MLIP: variants seen among roughly 807,000 people sequenced by gnomAD.
MLIP encodes muscular LMNA interacting protein.
In MLIP, 79 loss-of-function variants were observed where a neutral mutation model predicts 84.8. That is an observed-to-expected ratio of 0.93 (90% CI 0.78 to 1.12). MLIP has a LOEUF of 1.12. MLIP is among the 50% of genes most tolerant of loss of function. MLIP has a pLI of 0.00. For missense variants in MLIP, 1,257 were observed against 1,160.6 expected, an observed-to-expected ratio of 1.08 and a Z score of -1.21; for synonymous variants, 504 against 463.0, an observed-to-expected ratio of 1.09 and a Z score of -1.14.
intron 12 of MLIP, among the ~76,000 whole-genome samples, chr6:54,240,798 A>G (rs1367728126): frequency 6.6e-6 from 1 of 152,168 alleles, no homozygotes; most frequent in Non-Finnish European, 1.5e-5. Context: ...AACATGGTGA[A>G]ACCCCATCTC....
intron 1 of MLIP, among the ~76,000 whole-genome samples, chr6:54,075,586 A>G (rs1766753743): frequency 6.6e-6 from 1 of 152,188 alleles, no homozygotes; most frequent in Admixed American, 6.5e-5. Flanking sequence ...TAGTAACTGC[A>G]TTATTTGGAG....
intron 10 of MLIP, among the ~76,000 whole-genome samples, chr6:54,193,723 A>G (rs1017540489): frequency 9.9e-5 from 15 of 152,132 alleles, no homozygotes; most frequent in African/African-American, 3.1e-4. Context: ...CAGTTAGAGT[A>G]CTGAAGTTTT....
At chr6:54,164,093 A>G (rs1008029676) in intron 8 of MLIP, among the ~76,000 whole-genome samples, 3 of 151,856 alleles carry the variant, frequency 2.0e-5, no homozygotes, top group African/African-American at 7.3e-5. Context: ...TTTATGTATG[A>G]TCTTACAGAT....
chr6:54,179,926 T>C (rs1776679986), intron 9 of MLIP, among the ~76,000 whole-genome samples: 1 of 152,220 alleles, frequency 6.6e-6, no homozygotes, highest in Non-Finnish European at 1.5e-5. Flanking sequence ...TTCCTGCTCA[T>C]TAACAGTCTT....
At position 54,266,121 on chromosome 6, in the gene MLIP, A is replaced by G. The variant is rs1019802210; in HGVS notation, c.*166A>G. The G allele has an allele frequency of 5.1e-5, 33 of 650,388 alleles. No homozygotes were observed. In the African/African-American group the frequency reaches 5.5e-4, roughly 11 times the overall value. The allele number at this position is 650,388 out of a possible 1,614,324, so 40.3% of individuals were successfully genotyped here. On this transcript the variant is annotated 3_prime_UTR_variant, in exon 14 of 14. Transcript: ENST00000502396. ...AAGTTTGCTGCAATTATATAGCATC[A>G]CAGTGCTCTGCTAACAGCCAGCATA...
chr6:54,257,347 C>G lies in MLIP; in HGVS notation c.2962C>G (p.Leu988Val). The G allele has an allele frequency of 6.2e-7, 1 of 1,611,840 alleles. No individual in the cohort carries two copies. The highest frequency in any genetic ancestry group is 8.5e-7 in the Non-Finnish European group (1 of 1,178,422). ...PMVAIPEHEA[L>V]DSKEQ ...GGTGGCTATTCCTGAACATGAAGCT[C>G]TTGATTCCAAAGAGGTAAATGTAAG... The change falls in exon 13 of 14, where the codon CTT becomes GTT. Residue 988 changes from leucine (L) to valine (V), a missense_variant. By Grantham distance (32) the Leu-to-Val change is conservative (BLOSUM62 1). Coordinates refer to ENST00000502396, the MANE Select transcript of MLIP (RefSeq NM_001281747.2).
Position 54,072,766 on chromosome 6 carries a change from C to T in MLIP, c.64-48681C>T, listed in dbSNP as rs182078143. 1.1e-3 allele frequency among the ~76,000 whole-genome samples: 163 copies of T among 152,300 alleles called. 3 individuals carry two copies. Among genetic ancestry groups the T allele is most frequent in the African/African-American group, 2.9e-3 (121 of 41,568 alleles). On this transcript the variant is annotated intron_variant, in intron 1 of 12. Coordinates refer to the MLIP transcript ENST00000274897. ...GAGTCTGTCATCAGAAATAATCCTG[C>T]TATCCTTCCGTCTGTGAATATTTTG...
intron 1 of MLIP, among the ~76,000 whole-genome samples, chr6:54,057,123 A>G (rs767523394): frequency 7.9e-5 from 12 of 152,208 alleles, no homozygotes; most frequent in Non-Finnish European, 1.5e-4. Flanking sequence ...AGTTTTTCAG[A>G]TCAAGAGACA....
intron 11 of MLIP, among the ~76,000 whole-genome samples, chr6:54,208,582 A>G (rs1779203665): frequency 6.6e-6 from 1 of 152,156 alleles, no homozygotes; most frequent in Non-Finnish European, 1.5e-5. Context: ...CAAGACCTCC[A>G]TCTCTTAAAA....
At chr6:54,132,808 G>A (rs1034824033) in intron 3 of MLIP, among the ~76,000 whole-genome samples, 4 of 152,186 alleles carry the variant, frequency 2.6e-5, no homozygotes, top group African/African-American at 9.7e-5. Flanking sequence ...CCTTCTGCAG[G>A]GGAATTCAGT....
At chr6:54,102,202 G>A (rs1768704037) in intron 1 of MLIP, among the ~76,000 whole-genome samples, 1 of 152,138 alleles carries the variant, frequency 6.6e-6, no homozygotes, top group Admixed American at 6.6e-5. Flanking sequence ...ATCTCCCTGA[G>A]TTTCATTTTT....
At chr6:54,225,516 C>G (rs1305533844) in intron 11 of MLIP, among the ~76,000 whole-genome samples, 1 of 152,144 alleles carries the variant, frequency 6.6e-6, no homozygotes, top group Non-Finnish European at 1.5e-5. Flanking sequence ...TATAGTAATG[C>G]AAGCATATCT....
chr6:54,205,041 G>A (rs1050853386), intron 11 of MLIP, among the ~76,000 whole-genome samples: 1 of 152,152 alleles, frequency 6.6e-6, no homozygotes, highest in East Asian at 1.9e-4. Flanking sequence ...ATAGAACCTT[G>A]GGACCACTGA....
intron 12 of MLIP, among the ~76,000 whole-genome samples, chr6:54,247,003 T>C (rs1266581310): frequency 6.6e-6 from 1 of 152,192 alleles, no homozygotes; most frequent in Non-Finnish European, 1.5e-5. Flanking sequence ...CCATATTTCC[T>C]GTAGCATCCT....
intron 1 of MLIP, among the ~76,000 whole-genome samples, chr6:54,060,083 A>G (rs979481850): frequency 1.3e-5 from 1 of 75,922 alleles, no homozygotes; most frequent in East Asian, 3.6e-4. Flanking sequence ...CTTTATAAAT[A>G]TAGAGAGAGT....
intron 12 of MLIP, among the ~76,000 whole-genome samples, chr6:54,235,288 G>A (rs1276917219): frequency 6.6e-6 from 1 of 151,986 alleles, no homozygotes; most frequent in South Asian, 2.1e-4. Flanking sequence ...ATTCCTTACT[G>A]TTCTACTTGT....
At chr6:54,067,733 C>A (rs1465871326) in intron 1 of MLIP, among the ~76,000 whole-genome samples, 1 of 101,220 alleles carries the variant, frequency 9.9e-6, no homozygotes, top group East Asian at 2.6e-4. Flanking sequence ...TAAAAGCTTT[C>A]TTCTGTGTAT....
At chr6:54,074,411 T>C (rs929679256) in intron 1 of MLIP, among the ~76,000 whole-genome samples, 4 of 152,110 alleles carry the variant, frequency 2.6e-5, no homozygotes, top group African/African-American at 9.7e-5. Context: ...GCGATGATTT[T>C]TTTTTCTGTT....
At chr6:54,164,811 A>T (rs547649284) in intron 8 of MLIP, among the ~76,000 whole-genome samples, 4 of 151,128 alleles carry the variant, frequency 2.6e-5, no homozygotes, top group Non-Finnish European at 5.9e-5. Flanking sequence ...TTAATTGCTG[A>T]TTAGTAGTCC....
Sources: allele counts gnomAD v4.1 joint callset (sites outside exome capture counted in the v4.1 genomes callset), GRCh38; gene constraint gnomAD v4.1.1; transcripts MANE v1.5; gene names NCBI Gene and HGNC (gene_info 2026-07-23, HGNC 2026-07-21).